Variants in COL28A1 observed in about 807,000 individuals in gnomAD.
COL28A1 encodes collagen type XXVIII alpha 1 chain.
Under a neutral mutation model 150.2 loss-of-function variants are expected in COL28A1, and 161 were observed. The observed-to-expected ratio is 1.07, with a 90% CI of 0.94 to 1.22. The LOEUF is 1.22. COL28A1 is among the 50% of genes most tolerant of loss of function. The probability of loss-of-function intolerance (pLI) is 0.00; values close to 1 mark genes in which losing one functional copy is unlikely to be tolerated. For synonymous variants in COL28A1, 552 were observed against 469.7 expected (o/e 1.18, Z -2.26); for missense variants, 1,617 against 1,388.3 (o/e 1.16, Z -2.62).
intron 8 of COL28A1, among the ~76,000 whole-genome samples, chr7:7,512,465 CAATA>C (rs1781198411): frequency 2.0e-5 from 3 of 151,942 alleles, no homozygotes; most frequent in Admixed American, 2.0e-4. Flanking sequence ...TTATACAATA[CAATA>C]AATATGAACT....
chr7:7,350,739 C>T, the COL28A1 span, among the ~76,000 whole-genome samples: 1 of 145,722 alleles, frequency 6.9e-6, no homozygotes, highest in Admixed American at 7.0e-5. Context: ...AGAAAAATCC[C>T]AAGTTGCAGA....
rs1018732271 is a variant in COL28A1, at chr7:7,517,988, A to T, written c.814-151T>A. ...GACATTTTCACTATGCAATCTAGGC[A>T]AAAAAAAAAAAAAAATAGCAACTCA... On this transcript the variant is annotated intron_variant, in intron 6 of 34. Coordinates refer to ENST00000399429, the MANE Select transcript of COL28A1 (RefSeq NM_001037763.3). 3.2e-4 allele frequency: 9 copies of T among 27,850 alleles called. No homozygotes were observed. The Admixed American group carries it at 3.8e-3, about 12-fold the overall frequency. The allele number at this position is 27,850 out of a possible 1,614,324, so 1.7% of individuals were successfully genotyped here. A position where few individuals can be genotyped will look rare whatever the true frequency, so the allele number is the denominator to read the frequency against.
At chr7:7,398,801 T>A (rs1009010714) in intron 27 of COL28A1, among the ~76,000 whole-genome samples, 2 of 152,204 alleles carry the variant, frequency 1.3e-5, no homozygotes, top group Non-Finnish European at 2.9e-5. Flanking sequence ...ATGTCTCGAA[T>A]GCTGTCTTTG....
At chr7:7,450,973 T>A (rs1434284384) in intron 18 of COL28A1, among the ~76,000 whole-genome samples, 1 of 152,080 alleles carries the variant, frequency 6.6e-6, no homozygotes, top group Non-Finnish European at 1.5e-5. Context: ...GGTTTATGGA[T>A]AAAAATGTGT....
intron 18 of COL28A1, among the ~76,000 whole-genome samples, chr7:7,450,466 G>A (rs187359935): frequency 1.3e-5 from 2 of 152,218 alleles, no homozygotes; most frequent in Non-Finnish European, 2.9e-5. Context: ...ATAAGTCAGA[G>A]CCTAGGAGAA....
At chr7:7,345,370 TC>T in the COL28A1 span, among the ~76,000 whole-genome samples, 14 of 152,024 alleles carry the variant, frequency 9.2e-5, no homozygotes, top group Non-Finnish European at 2.9e-5. Flanking sequence ...GCTCAGGAAA[TC>T]AAATTATAAA....
intron 15 of COL28A1, among the ~76,000 whole-genome samples, chr7:7,463,502 T>C (rs1206400855): frequency 1.3e-5 from 2 of 152,136 alleles, no homozygotes; most frequent in African/African-American, 2.4e-5. Context: ...CTAGAAGGGA[T>C]TGGGGTCCTA....
intron 25 of COL28A1, among the ~76,000 whole-genome samples, chr7:7,429,285 T>C (rs1298589077): frequency 1.3e-5 from 2 of 152,196 alleles, no homozygotes; most frequent in Admixed American, 6.5e-5. Context: ...TTGGGTCCTG[T>C]GCTTCCGCTG....
intron 5 of COL28A1, among the ~76,000 whole-genome samples, chr7:7,521,219 G>C (rs1781706531): frequency 6.6e-6 from 1 of 152,154 alleles, no homozygotes. Flanking sequence ...GAAGATAAAT[G>C]TTAAAAAAAT....
chr7:7,435,624 T>C (rs1785284526), intron 23 of COL28A1, among the ~76,000 whole-genome samples: 1 of 152,222 alleles, frequency 6.6e-6, no homozygotes, highest in African/African-American at 2.4e-5. Context: ...TCAGTTTTTA[T>C]ACAACAGGTT....
At chr7:7,527,863 C>T (rs1447666383) in intron 3 of COL28A1, among the ~76,000 whole-genome samples, 1 of 152,100 alleles carries the variant, frequency 6.6e-6, no homozygotes, top group Non-Finnish European at 1.5e-5. Flanking sequence ...ACAAATATCA[C>T]AGCACATGGA....
intron 27 of COL28A1, among the ~76,000 whole-genome samples, chr7:7,385,577 T>A (rs1371209814): frequency 1.3e-5 from 2 of 151,358 alleles, no homozygotes; most frequent in Non-Finnish European, 2.9e-5. Flanking sequence ...AGATGTCCAA[T>A]ACATGTTCAT....
chr7:7,390,706 T>C (rs1264547827), intron 27 of COL28A1, among the ~76,000 whole-genome samples: 1 of 152,212 alleles, frequency 6.6e-6, no homozygotes, highest in African/African-American at 2.4e-5. Flanking sequence ...AACTTCTTCC[T>C]GGTTTGGGCT....
At position 7,400,975 on chromosome 7, in the gene COL28A1, G is replaced by GGGGTGTGTGTGT. The variant is rs1160269291; in HGVS notation, c.2136+16883_2136+16884insACACACACACCC. Among the ~76,000 whole-genome samples the GGGGTGTGTGTGT allele has an allele frequency of 2.7e-3, 316 of 119,124 alleles. 3 individuals carry two copies. The highest frequency in any genetic ancestry group is 4.5e-3 in the Admixed American group (52 of 11,464). The allele number at this position is 119,124 out of a possible 152,430, so 78.1% of individuals were successfully genotyped here. ...GTCCCATAGGACGTGTGGGTATTTGGGTGTGTGTGTGTGTGTGTGTGTGTG... is the reference window on the plus strand; with the variant it reads ...GTCCCATAGGACGTGTGGGTATTTGGGGGTGTGTGTGTGTGTGTGTGTGTGTGTGTGTGTGTG... On this transcript the variant is annotated intron_variant, in intron 27 of 34. Transcript: ENST00000399429.
chr7:7,403,440 A>G (rs1486388947), intron 27 of COL28A1, among the ~76,000 whole-genome samples: 1 of 152,140 alleles, frequency 6.6e-6, no homozygotes, highest in Non-Finnish European at 1.5e-5. Flanking sequence ...AAATCTTTTT[A>G]AATTATAAGA....
At chr7:7,355,065 G>A (rs541143392), downstream of COL28A1, among the ~76,000 whole-genome samples, 1 of 152,140 alleles carries the variant, frequency 6.6e-6, no homozygotes, top group Non-Finnish European at 1.5e-5. Flanking sequence ...AAGGAAAGAT[G>A]GGTAAATTGG....
intron 25 of COL28A1, among the ~76,000 whole-genome samples, chr7:7,428,119 A>C (rs1178287168): frequency 6.6e-6 from 1 of 152,210 alleles, no homozygotes; most frequent in East Asian, 1.9e-4. Flanking sequence ...TATTTAGGTA[A>C]TACATAATCA....
chr7:7,346,088 A>C, the COL28A1 span, among the ~76,000 whole-genome samples: 1 of 152,018 alleles, frequency 6.6e-6, no homozygotes, highest in Non-Finnish European at 1.5e-5. Context: ...ACTAAAACTA[A>C]AGTTTAAGAC....
rs183773619 is a variant in COL28A1 at position 7,435,332 on chromosome 7, C to T, written c.1860+1063G>A. Among the ~76,000 whole-genome samples the T allele has an allele frequency of 5.1e-4, 77 of 152,292 alleles. 1 individual carries two copies. In the East Asian group the frequency reaches 0.013, roughly 25 times the overall value. ...TGCAGTTTTCAAATTAGAAAATTTG[C>T]TATTGTCCCCATGAGCTGTCTATAT... On this transcript the variant is annotated intron_variant, in intron 23 of 34. Coordinates refer to ENST00000399429, the MANE Select transcript of COL28A1 (RefSeq NM_001037763.3).
Sources: gnomAD v4.1 joint callset for allele counts (sites outside exome capture counted in the v4.1 genomes callset) on GRCh38, gnomAD v4.1.1 for gene constraint, MANE v1.5 for transcripts, NCBI Gene and HGNC (gene_info 2026-07-23, HGNC 2026-07-21) for gene names.